TMEM17: variants seen among roughly 807,000 people sequenced by gnomAD.
The protein encoded by TMEM17 is transmembrane protein 17.
TMEM17 carries 15 observed loss-of-function variants against 19.1 expected under a neutral mutation model. That is an observed-to-expected ratio of 0.78 (90% CI 0.52 to 1.21). The LOEUF (loss-of-function observed/expected upper bound fraction) is 1.21, where lower values mean the gene tolerates loss of function less well. TMEM17 is among the 50% of genes most tolerant of loss of function. The pLI is 0.00. For missense variants in TMEM17, 245 were observed against 242.3 expected, an observed-to-expected ratio of 1.01 and a Z score of -0.07; for synonymous variants, 103 against 86.9, an observed-to-expected ratio of 1.19 and a Z score of -1.03.
At chr2:62,498,722 AAAAT>A (rs752439031), downstream of TMEM17, among the ~76,000 whole-genome samples, 7,498 of 77,556 alleles carry the variant, frequency 0.097, 427 homozygotes, top group East Asian at 0.23. Flanking sequence ...TCTCAAAAAT[AAAAT>A]AAAATAAAAT....
the TMEM17 span, among the ~76,000 whole-genome samples, chr2:62,474,698 G>C: frequency 1.3e-5 from 2 of 152,098 alleles, no homozygotes; most frequent in East Asian, 3.9e-4. Flanking sequence ...TAGCATGACA[G>C]ACTTTTCTAG....
the TMEM17 span, among the ~76,000 whole-genome samples, chr2:62,462,813 C>G: frequency 6.6e-6 from 1 of 152,152 alleles, no homozygotes; most frequent in African/African-American, 2.4e-5. Context: ...GGTCCCTCCT[C>G]CTTTCTCTAC....
At chr2:62,499,979 T>C (rs1355305854), downstream of TMEM17, among the ~76,000 whole-genome samples, 5 of 152,250 alleles carry the variant, frequency 3.3e-5, no homozygotes, top group Non-Finnish European at 5.9e-5. Flanking sequence ...TTAGCTCTCA[T>C]ATGTATTAAG....
chr2:62,497,438 C>G (rs905817348), downstream of TMEM17, among the ~76,000 whole-genome samples: 6 of 152,198 alleles, frequency 3.9e-5, no homozygotes, highest in Admixed American at 2.0e-4. Flanking sequence ...TTCTCATGTA[C>G]CCTTCCCACT....
At chr2:62,475,627 C>T in the TMEM17 span, among the ~76,000 whole-genome samples, 1 of 152,248 alleles carries the variant, frequency 6.6e-6, no homozygotes, top group South Asian at 2.1e-4. Context: ...CTCACGTTTC[C>T]TTTCTCAGAG....
chr2:62,492,970 C>T, the TMEM17 span, among the ~76,000 whole-genome samples: 2 of 152,054 alleles, frequency 1.3e-5, no homozygotes, highest in African/African-American at 4.8e-5. Context: ...TGGAAAGAGG[C>T]CTAATATGCC....
At position 62,506,041 on chromosome 2, in the gene TMEM17, T is replaced by C. The variant is rs201641861; in HGVS notation, c.89A>G (p.Asn30Ser). ...SDSNRTGPES[N>S]EGPENEMVSS... is the part of the protein sequence containing the mutation. ...CCTCGGTCACTCACCCGGACCCTCA[T>C]TGGACTCTGGACCGGTCCGATTGGA... is the stretch of plus-strand genomic sequence containing the variant. The change falls in exon 1 of 4, where the codon AAT (asparagine) becomes AGT (serine). Residue 30 changes from asparagine (N) to serine (S), a missense_variant. Coordinates refer to ENST00000335390, the MANE Select transcript of TMEM17 (RefSeq NM_198276.3). 606 of 1,610,660 alleles carry C rather than the reference T, an allele frequency of 3.8e-4. 2 individuals carry two copies. The highest frequency in any genetic ancestry group is 7.9e-4 in the East Asian group (35 of 44,566).
the TMEM17 span, among the ~76,000 whole-genome samples, chr2:62,460,713 A>T: frequency 6.6e-6 from 1 of 152,212 alleles, no homozygotes. Flanking sequence ...TAAATAGTGA[A>T]ATAAACTCTG....
the TMEM17 span, among the ~76,000 whole-genome samples, chr2:62,493,452 G>A: frequency 2.0e-5 from 3 of 152,284 alleles, no homozygotes; most frequent in East Asian, 5.8e-4. Context: ...ACTACAACAA[G>A]AAAGCGCACA....
downstream of TMEM17, among the ~76,000 whole-genome samples, chr2:62,499,068 G>A (rs936303702): frequency 6.6e-6 from 1 of 152,050 alleles, no homozygotes; most frequent in African/African-American, 2.4e-5. Flanking sequence ...ACTTGGTCAT[G>A]GTCTCAATTT....
At chr2:62,480,265 ATTTT>A in the TMEM17 span, among the ~76,000 whole-genome samples, 1 of 150,146 alleles carries the variant, frequency 6.7e-6, no homozygotes, top group African/African-American at 2.4e-5. Flanking sequence ...ATGAAAAAAA[ATTTT>A]TTTTTTCCGT....
the TMEM17 span, among the ~76,000 whole-genome samples, chr2:62,468,579 G>C: frequency 6.6e-6 from 1 of 152,208 alleles, no homozygotes; most frequent in Non-Finnish European, 1.5e-5. Context: ...GTGCATGTGG[G>C]TGTTGGGGGA....
chr2:62,468,927 A>G, the TMEM17 span, among the ~76,000 whole-genome samples: 1 of 152,318 alleles, frequency 6.6e-6, no homozygotes, highest in Non-Finnish European at 1.5e-5. Flanking sequence ...AGAAGCCCAC[A>G]TACCCCATTT....
At chr2:62,471,338 G>C in the TMEM17 span, among the ~76,000 whole-genome samples, 1 of 152,088 alleles carries the variant, frequency 6.6e-6, no homozygotes, top group Non-Finnish European at 1.5e-5. Context: ...CCTCTCAGAG[G>C]CTCCATTAAC....
the TMEM17 span, among the ~76,000 whole-genome samples, chr2:62,474,135 C>A: frequency 4.6e-3 from 695 of 152,190 alleles, 4 homozygotes; most frequent in African/African-American, 0.016. Flanking sequence ...GGAGCTGCTG[C>A]GTTCTCCACA....
downstream of TMEM17, among the ~76,000 whole-genome samples, chr2:62,495,667 G>A (rs202125761): frequency 1.1e-4 from 5 of 47,436 alleles, no homozygotes; most frequent in Admixed American, 3.7e-4. Context: ...TCTGTTTGCC[G>A]CTTTGTTTTC....
the TMEM17 span, among the ~76,000 whole-genome samples, chr2:62,493,228 A>T: frequency 1.3e-5 from 2 of 151,698 alleles, no homozygotes; most frequent in African/African-American, 4.8e-5. Flanking sequence ...GGGCATCACT[A>T]TGTTGCCCAG....
the TMEM17 span, among the ~76,000 whole-genome samples, chr2:62,480,980 C>T: frequency 6.6e-6 from 1 of 152,064 alleles, no homozygotes. Context: ...ATAGGGATTG[C>T]ATTGAATCTA....
chr2:62,483,858 C>A, the TMEM17 span, among the ~76,000 whole-genome samples: 1 of 152,110 alleles, frequency 6.6e-6, no homozygotes, highest in Non-Finnish European at 1.5e-5. Context: ...GCCTCGGCCT[C>A]CCAAAGCACT....
Sources: gnomAD v4.1 joint callset for allele counts (sites outside exome capture counted in the v4.1 genomes callset) on GRCh38, gnomAD v4.1.1 for gene constraint, MANE v1.5 for transcripts, NCBI Gene and HGNC (gene_info 2026-07-23, HGNC 2026-07-21) for gene names.